Variants in EVI5 observed in about 807,000 individuals in gnomAD.
EVI5 encodes the protein ecotropic viral integration site 5.
Under a neutral mutation model 112.0 loss-of-function variants are expected in EVI5, and 73 were observed. The ratio of observed to expected loss-of-function variants is 0.65; its 90% CI spans 0.54 to 0.79. The LOEUF is 0.79. EVI5 is among the 30% of genes least tolerant of loss of function. The pLI, the probability that EVI5 is intolerant of heterozygous loss-of-function variation, is 0.00. For synonymous variants in EVI5, 305 were observed against 319.9 expected (o/e 0.95, Z 0.50); for missense variants, 900 against 968.8 (o/e 0.93, Z 0.94).
At chr1:92,616,965 G>A (rs1653330047) in intron 16 of EVI5, among the ~76,000 whole-genome samples, 1 of 152,226 alleles carries the variant, frequency 6.6e-6, no homozygotes, top group Non-Finnish European at 1.5e-5. Context: ...GTTTCATGAG[G>A]AAGTAGCTCA....
chr1:92,750,505 A>T (rs1680013722), intron 1 of EVI5, among the ~76,000 whole-genome samples: 1 of 152,204 alleles, frequency 6.6e-6, no homozygotes, highest in African/African-American at 2.4e-5. Context: ...ATCACACTAC[A>T]CTATACTCTT....
chr1:92,743,927 T>C (rs1678837837), intron 1 of EVI5, among the ~76,000 whole-genome samples: 1 of 152,204 alleles, frequency 6.6e-6, no homozygotes. Flanking sequence ...TCTAGTTCCC[T>C]AAAGTAGAAG....
chr1:92,693,990 G>T, intron 8 of EVI5, 91 bp from the exon 9 acceptor site: 1 of 819,450 alleles, frequency 1.2e-6, no homozygotes, highest in East Asian at 2.4e-5. Flanking sequence ...GGCTGGGCGT[G>T]GTGGCTCATG....
chr1:92,657,015 TC>T (rs1239502543), intron 13 of EVI5, among the ~76,000 whole-genome samples: 2 of 151,520 alleles, frequency 1.3e-5, no homozygotes, highest in African/African-American at 4.9e-5. Flanking sequence ...AAGGAGGGAC[TC>T]CTCCTTAACT....
chr1:92,702,409 A>G (rs1188737859), intron 4 of EVI5, among the ~76,000 whole-genome samples, 194 bp from the exon 5 acceptor site: 1 of 151,426 alleles, frequency 6.6e-6, no homozygotes, highest in Non-Finnish European at 1.5e-5. Context: ...TATTTTGACA[A>G]TTTCCCAATC....
At chr1:92,602,368 A>G (rs1649358295) in intron 18 of EVI5, among the ~76,000 whole-genome samples, 1 of 152,148 alleles carries the variant, frequency 6.6e-6, no homozygotes, top group African/African-American at 2.4e-5. Context: ...AGTAAGGCAT[A>G]AGAAGTGACA....
intron 2 of EVI5, among the ~76,000 whole-genome samples, chr1:92,717,531 G>A (rs1673940939): frequency 6.6e-6 from 1 of 152,154 alleles, no homozygotes; most frequent in Non-Finnish European, 1.5e-5. Flanking sequence ...CCTTACAAGA[G>A]CTCCTGAAGG....
chr1:92,746,721 T>C (rs1428989645), intron 1 of EVI5, among the ~76,000 whole-genome samples: 1 of 152,004 alleles, frequency 6.6e-6, no homozygotes, highest in Non-Finnish European at 1.5e-5. Context: ...AGCGAGACCC[T>C]GTCTCTACAA....
intron 9 of EVI5, among the ~76,000 whole-genome samples, chr1:92,684,281 A>T (rs1243981956): frequency 2.6e-5 from 4 of 152,230 alleles, no homozygotes. Context: ...TTCAACCCAG[A>T]ATCTCATATC....
intron 2 of EVI5, among the ~76,000 whole-genome samples, chr1:92,730,560 T>C (rs1207109986): frequency 6.7e-6 from 1 of 148,610 alleles, no homozygotes; most frequent in Non-Finnish European, 1.5e-5. Context: ...TGCATGCATG[T>C]AATTCTAGCT....
chr1:92,672,425 C>A (rs1296265021), intron 10 of EVI5, among the ~76,000 whole-genome samples: 1 of 152,188 alleles, frequency 6.6e-6, no homozygotes, highest in Non-Finnish European at 1.5e-5. Context: ...TTCTGCCATT[C>A]TTCCAGATAG....
At chr1:92,680,389 G>T (rs913110215) in intron 9 of EVI5, among the ~76,000 whole-genome samples, 2 of 152,098 alleles carry the variant, frequency 1.3e-5, no homozygotes, top group Non-Finnish European at 2.9e-5. Context: ...ACAAATCAGG[G>T]ATAATTTAAT....
chr1:92,707,114 G>C (rs1025490791), intron 2 of EVI5, among the ~76,000 whole-genome samples: 1 of 149,496 alleles, frequency 6.7e-6, no homozygotes, highest in South Asian at 2.1e-4. Flanking sequence ...GGGAGGCGGA[G>C]GTTGCGGTGA....
intron 1 of EVI5, among the ~76,000 whole-genome samples, chr1:92,782,191 G>A (rs549289724): frequency 4.0e-5 from 6 of 149,400 alleles, no homozygotes; most frequent in South Asian, 2.1e-4. Context: ...CCCGGGAGGC[G>A]AGGGTGCAGT....
chr1:92,632,361 C>CT, intron 14 of EVI5, among the ~76,000 whole-genome samples: 1 of 152,226 alleles, frequency 6.6e-6, no homozygotes, highest in East Asian at 1.9e-4. Flanking sequence ...ATTTCAGAGC[C>CT]TGTTATTGGT....
chr1:92,512,488 A>G lies in EVI5; in HGVS notation c.*1168T>C, dbSNP rs1221715572. The stretch of plus-strand genomic sequence containing the variant: ...AAAGCTCTTAAAACATTAGTGTTTT[A>G]TTTTTAACTTTTAACCTATTATTTA... On this transcript the variant is annotated 3_prime_UTR_variant, in exon 20 of 20. Transcript: ENST00000684568. 2 of 152,242 alleles carry G rather than the reference A, an allele frequency of 1.3e-5. No individual in the cohort carries two copies. Among genetic ancestry groups the G allele is most frequent in the African/African-American group, 4.8e-5 (2 of 41,474 alleles). 9.4% of individuals were successfully genotyped at this position (152,242 alleles called of 1,614,324 possible).
chr1:92,776,507 T>G (rs1473939154), intron 1 of EVI5, among the ~76,000 whole-genome samples: 1 of 152,226 alleles, frequency 6.6e-6, no homozygotes, highest in East Asian at 1.9e-4. Context: ...ACAACTTTAT[T>G]AATCTTTAGT....
intron 1 of EVI5, among the ~76,000 whole-genome samples, chr1:92,791,364 A>G (rs1162319054): frequency 1.3e-5 from 2 of 152,216 alleles, no homozygotes; most frequent in African/African-American, 2.4e-5. Flanking sequence ...TCAAGCTCCA[A>G]TCTTCTCATT....
At chr1:92,527,524 T>C (rs1662128181) in intron 19 of EVI5, among the ~76,000 whole-genome samples, 1 of 152,132 alleles carries the variant, frequency 6.6e-6, no homozygotes, top group Non-Finnish European at 1.5e-5. Context: ...ACAGATTTTA[T>C]GTGTACAAGT....
Sources: allele counts gnomAD v4.1 joint callset (sites outside exome capture counted in the v4.1 genomes callset), GRCh38; gene constraint gnomAD v4.1.1; transcripts MANE v1.5; gene names NCBI Gene and HGNC (gene_info 2026-07-23, HGNC 2026-07-21).